Variants in ADGRL2 observed in about 807,000 individuals in gnomAD.
ADGRL2 encodes the protein adhesion G protein-coupled receptor L2, also known as calcium-independent alpha-latrotoxin receptor 2.
In ADGRL2, 44 loss-of-function variants were observed where a neutral mutation model predicts 157.4. The observed-to-expected ratio is 0.28, with a 90% CI of 0.22 to 0.36. The LOEUF (loss-of-function observed/expected upper bound fraction) is 0.36, where lower values mean the gene tolerates loss of function less well. Among genes scored for constraint, ADGRL2 ranks in the 10% least tolerant of loss-of-function variants. The probability of loss-of-function intolerance (pLI) is 1.00; values close to 1 mark genes in which losing one functional copy is unlikely to be tolerated. For synonymous variants in ADGRL2, 585 were observed against 624.7 expected (o/e 0.94, Z 0.95); for missense variants, 1,510 against 1,768.9 (o/e 0.85, Z 2.63).
chr1:81,839,420 G>A (rs2092444046), intron 2 of ADGRL2, among the ~76,000 whole-genome samples: 1 of 151,932 alleles, frequency 6.6e-6, no homozygotes, highest in African/African-American at 2.4e-5. Flanking sequence ...TTGGGCACAG[G>A]TGGTATTTGA....
chr1:81,377,547 C>T (rs899099021), intron 1 of ADGRL2, among the ~76,000 whole-genome samples: 6 of 152,018 alleles, frequency 3.9e-5, no homozygotes, highest in Non-Finnish European at 7.4e-5. Flanking sequence ...CCAGCAGCAA[C>T]GTAGAGTTAA....
intron 3 of ADGRL2, among the ~76,000 whole-genome samples, chr1:81,909,588 A>C (rs968118958): frequency 6.6e-6 from 1 of 152,222 alleles, no homozygotes; most frequent in Non-Finnish European, 1.5e-5. Context: ...AATATGACAG[A>C]TGTGTTAAGC....
rs559345152 is a variant in ADGRL2, at chr1:81,906,880, A to C, written c.74-137A>C. On this transcript the variant is annotated intron_variant, in intron 2 of 23. Coordinates refer to ENST00000686636, the MANE Select transcript of ADGRL2 (RefSeq NM_001366006.2). Reference sequence around the variant, plus strand: ...TTCTGACATATTGTAGAGAACCAAAAAATTATTTAATAAATGCCTGAATTT... The same window carrying C: ...TTCTGACATATTGTAGAGAACCAAACAATTATTTAATAAATGCCTGAATTT... The C allele has an allele frequency of 2.8e-5, 20 of 708,018 alleles. No homozygotes were observed. In the East Asian group the frequency reaches 5.5e-4, roughly 19 times the overall value. The allele number at this position is 708,018 out of a possible 1,614,324, so 43.9% of individuals were successfully genotyped here. A position where few individuals can be genotyped will look rare whatever the true frequency, so the allele number is the denominator to read the frequency against.
At chr1:81,567,824 T>C (rs999850216) in intron 2 of ADGRL2, among the ~76,000 whole-genome samples, 2 of 152,126 alleles carry the variant, frequency 1.3e-5, no homozygotes, top group African/African-American at 2.4e-5. Flanking sequence ...TAGGATGGGC[T>C]TCACTCTATT....
intron 6 of ADGRL2, among the ~76,000 whole-genome samples, chr1:81,947,703 T>C (rs1450507632): frequency 6.6e-6 from 1 of 152,154 alleles, no homozygotes; most frequent in East Asian, 1.9e-4. Flanking sequence ...TTTAGAAATA[T>C]ATCTGCATTT....
chr1:81,834,438 T>G (rs1371693416), intron 1 of ADGRL2, among the ~76,000 whole-genome samples: 1 of 152,178 alleles, frequency 6.6e-6, no homozygotes, highest in Non-Finnish European at 1.5e-5. Flanking sequence ...CCAATATGAT[T>G]TAGAAGGAAT....
At chr1:81,564,502 C>T (rs1289102203) in intron 2 of ADGRL2, among the ~76,000 whole-genome samples, 2 of 152,124 alleles carry the variant, frequency 1.3e-5, no homozygotes, top group African/African-American at 4.8e-5. Flanking sequence ...CCGGAGCCTC[C>T]CTCAGTGCCT....
At chr1:81,316,778 G>T (rs761859514) in intron 1 of ADGRL2, among the ~76,000 whole-genome samples, 2 of 152,146 alleles carry the variant, frequency 1.3e-5, no homozygotes, top group Admixed American at 1.3e-4. Context: ...TGCTGTGTAT[G>T]TATGTATGTG....
At chr1:81,723,723 A>G (rs2149138077) in intron 1 of ADGRL2, among the ~76,000 whole-genome samples, 1 of 152,314 alleles carries the variant, frequency 6.6e-6, no homozygotes, top group Non-Finnish European at 1.5e-5. Flanking sequence ...GGACCTGGGT[A>G]GAGACTGGAA....
At chr1:81,775,650 G>A (rs1263871933) in intron 2 of ADGRL2, among the ~76,000 whole-genome samples, 7 of 151,978 alleles carry the variant, frequency 4.6e-5, no homozygotes, top group African/African-American at 1.7e-4. Flanking sequence ...CAGAGTGTGT[G>A]AGAAGAAGTC....
At chr1:81,701,236 G>T (rs1433038321) in intron 1 of ADGRL2, among the ~76,000 whole-genome samples, 1 of 152,142 alleles carries the variant, frequency 6.6e-6, no homozygotes, top group Non-Finnish European at 1.5e-5. Flanking sequence ...AGTGTTGAGG[G>T]TACATTAAAC....
chr1:81,981,662 C>T, intron 18 of ADGRL2, 146 bp from the exon 19 acceptor site: 1 of 676,334 alleles, frequency 1.5e-6, no homozygotes, highest in Non-Finnish European at 2.6e-6. Flanking sequence ...CTTTCTTAAT[C>T]AGAGAAAGGT....
rs71242588 is a variant in ADGRL2, at chr1:81,374,578, G to GAA, written c.-302+68078_-302+68079dup. On this transcript the variant is annotated intron_variant, in intron 1 of 24. Transcript: ENST00000370721. ...CAGAGTGAGACTCCATCTCAAAAAA[G>GAA]AAAAAAAAAACAAGTTGCCTTGCTA... 1.1e-3 allele frequency among the ~76,000 whole-genome samples: 138 copies of GAA among 130,242 alleles called. 4 individuals are homozygous for GAA. Among genetic ancestry groups the GAA allele is most frequent in the African/African-American group, 2.9e-3 (95 of 33,126 alleles). 85.4% of individuals were successfully genotyped at this position (130,242 alleles called of 152,430 possible).
intron 1 of ADGRL2, among the ~76,000 whole-genome samples, chr1:81,431,601 A>T (rs1231550827): frequency 2.6e-5 from 4 of 152,232 alleles, no homozygotes; most frequent in Non-Finnish European, 5.9e-5. Context: ...TCCGCTGTAA[A>T]CACAGAGACA....
intron 23 of ADGRL2, among the ~76,000 whole-genome samples, chr1:81,988,169 T>C (rs1663732850): frequency 6.6e-6 from 1 of 152,184 alleles, no homozygotes; most frequent in African/African-American, 2.4e-5. Flanking sequence ...AAATGCTTAA[T>C]AATTGACTTA....
chr1:81,703,377 TG>T (rs2083635290), intron 1 of ADGRL2, among the ~76,000 whole-genome samples: 1 of 152,160 alleles, frequency 6.6e-6, no homozygotes, highest in Non-Finnish European at 1.5e-5. Flanking sequence ...GAACAGGAGT[TG>T]GGGAGAATCC....
At chr1:81,616,679 C>CTTTTCTTTTTTTTT (rs1491482868) in intron 3 of ADGRL2, among the ~76,000 whole-genome samples, 2 of 105,964 alleles carry the variant, frequency 1.9e-5, no homozygotes, top group African/African-American at 7.5e-5. Context: ...CTTTTCTTTT[C>CTTTTCTTTTTTTTT]TTTTTTTTTT....
chr1:81,976,216 T>C (rs1445128010), intron 17 of ADGRL2, among the ~76,000 whole-genome samples: 1 of 152,004 alleles, frequency 6.6e-6, no homozygotes, highest in Non-Finnish European at 1.5e-5. Context: ...TTTTCTTTAG[T>C]TGGGAAAAAG....
intron 2 of ADGRL2, among the ~76,000 whole-genome samples, chr1:81,903,812 T>TATACACACACAC (rs1257119908): frequency 3.3e-5 from 4 of 120,528 alleles, no homozygotes; most frequent in African/African-American, 1.5e-4. Context: ...ACATTTTATA[T>TATACACACACAC]ACACACACAC....
Sources: gnomAD v4.1 joint callset for allele counts (sites outside exome capture counted in the v4.1 genomes callset) on GRCh38, gnomAD v4.1.1 for gene constraint, MANE v1.5 for transcripts, NCBI Gene and HGNC (gene_info 2026-07-23, HGNC 2026-07-21) for gene names.